TTC38: variants seen among roughly 807,000 people sequenced by gnomAD.
The protein encoded by TTC38 is tetratricopeptide repeat protein 38.
Under a neutral mutation model 64.2 loss-of-function variants are expected in TTC38, and 64 were observed. That is an observed-to-expected ratio of 1.00 (90% CI 0.81 to 1.23). The LOEUF is 1.23. Among genes scored for constraint, TTC38 ranks in the 50% most tolerant of loss-of-function variants. TTC38 has a pLI of 0.00. For synonymous variants in TTC38, 254 were observed against 249.3 expected (o/e 1.02, Z -0.18); for missense variants, 573 against 615.5 (o/e 0.93, Z 0.73).
At chr22:46,280,307 G>A (rs113355543) in intron 6 of TTC38, 16,261 of 414,308 alleles carry the variant, frequency 0.039, 486 homozygotes, top group Non-Finnish European at 0.052. Context: ...GGGAGGAGGC[G>A]GCAAGCCAGG....
At position 46,287,069 on chromosome 22, in the gene TTC38, C is replaced by G. The variant is rs748060986; in HGVS notation, c.835-4C>G. ...GAGCCCGCCTTGGCCGCCCTGTCTT[C>G]CAGATCCTTCCCAGCCTGCAGGCCA... On this transcript the variant is annotated splice_polypyrimidine_tract_variant and splice_region_variant and intron_variant, in intron 9 of 13. Coordinates refer to ENST00000381031, the MANE Select transcript of TTC38 (RefSeq NM_017931.4). 3 of 1,596,612 alleles carry G rather than the reference C, an allele frequency of 1.9e-6. No individual in the cohort carries two copies. The highest frequency in any genetic ancestry group is 1.7e-5 in the Admixed American group (1 of 59,562).
chr22:46,293,068 T>G lies in TTC38; in HGVS notation c.*184T>G. The G allele has an allele frequency of 1.7e-6, 1 of 576,592 alleles. No homozygotes were observed. Among genetic ancestry groups the G allele is most frequent in the Non-Finnish European group, 3.2e-6 (1 of 317,062 alleles). 35.7% of individuals were successfully genotyped at this position (576,592 alleles called of 1,614,324 possible). A position where few individuals can be genotyped will look rare whatever the true frequency, so the allele number is the denominator to read the frequency against. On this transcript the variant is annotated 3_prime_UTR_variant, in exon 14 of 14. Coordinates refer to ENST00000381031, the MANE Select transcript of TTC38 (RefSeq NM_017931.4). The surrounding 1 kb of genome is among the most constrained non-coding windows in gnomAD (Gnocchi z 6.6). ...TTTTAAATGTGATTCCGAATCTCCTTTCAGTCCTCGAGAAGGGCCAATGAG... is the reference window on the plus strand; with the variant it reads ...TTTTAAATGTGATTCCGAATCTCCTGTCAGTCCTCGAGAAGGGCCAATGAG...
At position 46,275,507 on chromosome 22, in the gene TTC38, C is replaced by T. The variant is rs1046686730; in HGVS notation, c.539+86C>T. On this transcript the variant is annotated intron_variant, in intron 5 of 13. Coordinates refer to ENST00000381031, the MANE Select transcript of TTC38 (RefSeq NM_017931.4). The surrounding 1 kb of genome is among the most constrained non-coding windows in gnomAD (Gnocchi z 4.5). The stretch of plus-strand genomic sequence containing the variant: ...AATATGGTGACTCTCTTGGCCCTGT[C>T]CTAAAAATAATGGGACCACTGTTGC... The T allele has an allele frequency of 2.2e-6, 3 of 1,361,426 alleles. No homozygotes were observed. The African/African-American group carries it at 4.4e-5, about 20-fold the overall frequency. The allele number at this position is 1,361,426 out of a possible 1,614,324, so 84.3% of individuals were successfully genotyped here. A position where few individuals can be genotyped will look rare whatever the true frequency, so the allele number is the denominator to read the frequency against.
intron 5 of TTC38, among the ~76,000 whole-genome samples, chr22:46,278,069 G>C (rs1328263337): frequency 6.6e-6 from 1 of 152,262 alleles, no homozygotes; most frequent in Non-Finnish European, 1.5e-5. Flanking sequence ...GCATGGAATT[G>C]CTGACAAGCA....
chr22:46,292,814 C>A lies in TTC38; in HGVS notation c.1340C>A (p.Ala447Asp). The change falls in exon 14 of 14, where the codon GCC becomes GAC. Residue 447 changes from alanine (A) to aspartate (D), a missense_variant. Ala to Asp is a moderately radical substitution (Grantham distance 126). Transcript: ENST00000381031. This position sits in a 1 kb window ranked among gnomAD's most constrained non-coding sequence, Gnocchi z 6.5. Reference protein sequence around the residue: ...VARSLLMERDALKPNSPLTER... With the variant: ...VARSLLMERDDLKPNSPLTER... Reference sequence around the variant, plus strand: ...AGGAGCCTTCTGATGGAGCGTGATGCCTTGAAGCCCAACTCGCCCCTGACC... The same window carrying A: ...AGGAGCCTTCTGATGGAGCGTGATGACTTGAAGCCCAACTCGCCCCTGACC... The A allele has an allele frequency of 6.2e-7, 1 of 1,614,020 alleles. No individual in the cohort carries two copies. Among genetic ancestry groups the A allele is most frequent in the Non-Finnish European group, 8.5e-7 (1 of 1,179,910 alleles).
In TTC38 at chr22:46,293,936, C is replaced by G. The variant is rs1482646930; in HGVS notation, c.*1052C>G. The stretch of plus-strand genomic sequence containing the variant: ...CAGAAGGGAGAGGAGGCCTCCAAAT[C>G]TATTGAGTCCCCACAGTTTGCTCAA... On this transcript the variant is annotated 3_prime_UTR_variant, in exon 14 of 14. Transcript: ENST00000381031. The surrounding 1 kb of genome is among the most constrained non-coding windows in gnomAD (Gnocchi z 6.6). 1 of 152,254 alleles carries G rather than the reference C, an allele frequency of 6.6e-6. No homozygotes were observed. The highest frequency in any genetic ancestry group is 1.5e-5 in the Non-Finnish European group (1 of 68,052). The allele number at this position is 152,254 out of a possible 1,614,324, so 9.4% of individuals were successfully genotyped here. A position where few individuals can be genotyped will look rare whatever the true frequency, so the allele number is the denominator to read the frequency against.
At chr22:46,280,045 C>A in intron 6 of TTC38, 1 of 452,748 alleles carries the variant, frequency 2.2e-6, no homozygotes, top group Non-Finnish European at 4.6e-6. Flanking sequence ...GCTCCCCTTT[C>A]GCCTCCTGTC....
At position 46,273,219 on chromosome 22, in the gene TTC38, C is replaced by T. The variant is rs1166350868; in HGVS notation, c.194-679C>T. Among the ~76,000 whole-genome samples the T allele has an allele frequency of 1.3e-5, 2 of 152,204 alleles. No homozygotes were observed. ...AGCCCTGATCAGGGGGCTTCGACCA[C>T]CTGAATCATCAGCTGGGCTGGGCTG... is the stretch of plus-strand genomic sequence containing the variant. On this transcript the variant is annotated intron_variant, in intron 3 of 13. Transcript: ENST00000381031. The surrounding 1 kb of genome is among the most constrained non-coding windows in gnomAD (Gnocchi z 5.1).
intron 8 of TTC38, 60 bp from the exon 9 acceptor site, chr22:46,285,181 C>G: frequency 6.7e-7 from 1 of 1,501,940 alleles, no homozygotes; most frequent in Middle Eastern, 1.7e-4. Flanking sequence ...TCTCAGTTCA[C>G]GTGCCAGCAT....
rs1205258957 is a variant in TTC38 at position 46,275,404 on chromosome 22, T to C, written c.522T>C (p.Pro174=). ...CTCGAATTTACCCCTTCTGGACACCTGACATCCCCCTAAGCAGGTATGTGC... is the reference window on the plus strand; with the variant it reads ...CTCGAATTTACCCCTTCTGGACACCCGACATCCCCCTAAGCAGGTATGTGC... ...SVARIYPFWT[P]DIPLSSYVKG... is the part of the protein sequence containing the mutation. The change falls in exon 5 of 14, where the codon CCT becomes CCC. Residue 174 remains proline, a synonymous_variant. Transcript: ENST00000381031. This position sits in a 1 kb window ranked among gnomAD's most constrained non-coding sequence, Gnocchi z 4.5. 4 of 1,613,936 alleles carry C rather than the reference T, an allele frequency of 2.5e-6. No individual in the cohort carries two copies. The highest frequency in any genetic ancestry group is 4.5e-5 in the East Asian group (2 of 44,900).
intron 1 of TTC38, 101 bp downstream of exon 1, chr22:46,268,173 C>A: frequency 7.4e-7 from 1 of 1,356,380 alleles, no homozygotes; most frequent in Non-Finnish European, 9.9e-7. Flanking sequence ...GGGCGCGGGG[C>A]GTGGGGTGAG....
chr22:46,283,441 G>A (rs2077548909), intron 7 of TTC38, among the ~76,000 whole-genome samples: 1 of 152,170 alleles, frequency 6.6e-6, no homozygotes, highest in Non-Finnish European at 1.5e-5. Context: ...ACCTCCCCTA[G>A]CCTCAGTTTC....
At position 46,292,573 on chromosome 22, in the gene TTC38, C is replaced by T. The variant is rs1216455103; in HGVS notation, c.1317-218C>T. Among the ~76,000 whole-genome samples, 2 of 152,220 alleles carry T rather than the reference C, an allele frequency of 1.3e-5. No individual in the cohort carries two copies. Among genetic ancestry groups the T allele is most frequent in the Non-Finnish European group, 2.9e-5 (2 of 68,042 alleles). On this transcript the variant is annotated intron_variant, in intron 13 of 13. Transcript: ENST00000381031. This position sits in a 1 kb window ranked among gnomAD's most constrained non-coding sequence, Gnocchi z 6.5. ...TTCCCCACTGCCACCTGTTGTGCCC[C>T]ATCTCGGGTGTGGCTTCCTGCACTG...
In TTC38 at chr22:46,269,745, ACCTGGCTCACTTGCCCTT is replaced by A. The variant is rs1936852522; in HGVS notation, c.111+1159_111+1176del. Among the ~76,000 whole-genome samples, 12 of 152,160 alleles carry A rather than the reference ACCTGGCTCACTTGCCCTT, an allele frequency of 7.9e-5. 1 individual carries two copies. In the South Asian group the frequency reaches 2.5e-3, roughly 32 times the overall value. Reference sequence around the variant, plus strand: ...GAGTTGTTTGTTTATTTTGTGTTTGACCTGGCTCACTTGCCCTTCCTGTATCTCGCCGGCCTCTGTAGA... The same window carrying A: ...GAGTTGTTTGTTTATTTTGTGTTTGACCTGTATCTCGCCGGCCTCTGTAGA... On this transcript the variant is annotated intron_variant, in intron 2 of 13. Transcript: ENST00000381031.
In TTC38 at chr22:46,292,927, G is replaced by A. The variant is rs374930102; in HGVS notation, c.*43G>A. The A allele has an allele frequency of 8.5e-5, 126 of 1,479,698 alleles. No homozygotes were observed. Among genetic ancestry groups the A allele is most frequent in the Middle Eastern group, 1.8e-4 (1 of 5,652 alleles). 91.7% of individuals were successfully genotyped at this position (1,479,698 alleles called of 1,614,324 possible). A position where few individuals can be genotyped will look rare whatever the true frequency, so the allele number is the denominator to read the frequency against. ...CACCCTGCAGAACCTCAGTGGTGGC[G>A]TCACTGCGTCCAGTCAGCTGCTCCA... is the stretch of plus-strand genomic sequence containing the variant. On this transcript the variant is annotated 3_prime_UTR_variant, in exon 14 of 14. Coordinates refer to ENST00000381031, the MANE Select transcript of TTC38 (RefSeq NM_017931.4). The surrounding 1 kb of genome is among the most constrained non-coding windows in gnomAD (Gnocchi z 6.5).
Position 46,278,600 on chromosome 22 carries a change from T to C in TTC38, c.554T>C (p.Ile185Thr), listed in dbSNP as rs1041536088. The part of the protein sequence containing the change: ...DIPLSSYVKG[I>T]YSFGLMETNF... ...TCTGTTTTTAGCTATGTGAAAGGCA[T>C]CTACTCTTTTGGCTTGATGGAAACC... Residue 185 changes from isoleucine to threonine, a missense_variant, in exon 6 of 14, where the codon ATC becomes ACC. Coordinates refer to ENST00000381031, the MANE Select transcript of TTC38 (RefSeq NM_017931.4). The C allele has an allele frequency of 2.5e-6, 4 of 1,614,100 alleles. No homozygotes were observed. In the Admixed American group the frequency reaches 5.0e-5, roughly 20 times the overall value.
chr22:46,293,587 T>C lies in TTC38; in HGVS notation c.*703T>C, dbSNP rs2077632234. 1 of 152,182 alleles carries C rather than the reference T, an allele frequency of 6.6e-6. No individual in the cohort carries two copies. Among genetic ancestry groups the C allele is most frequent in the Admixed American group, 6.5e-5 (1 of 15,282 alleles). The allele number at this position is 152,182 out of a possible 1,614,324, so 9.4% of individuals were successfully genotyped here. On this transcript the variant is annotated 3_prime_UTR_variant, in exon 14 of 14. Transcript: ENST00000381031. This position sits in a 1 kb window ranked among gnomAD's most constrained non-coding sequence, Gnocchi z 6.6. Reference sequence around the variant, plus strand: ...TTTGGACCCGTTTCTCTTTTTAAACTGCACATCATAACAGGGCTTCATGTC... The same window carrying C: ...TTTGGACCCGTTTCTCTTTTTAAACCGCACATCATAACAGGGCTTCATGTC...
chr22:46,286,277 T>C (rs2147799140), intron 9 of TTC38, among the ~76,000 whole-genome samples: 1 of 152,262 alleles, frequency 6.6e-6, no homozygotes, highest in East Asian at 1.9e-4. Context: ...CAGAAATGCT[T>C]GTGATCTGGG....
rs1569024981 is a variant in TTC38, at chr22:46,287,102, A to C, written c.864A>C (p.Ala288=). The change falls in exon 10 of 14, where the codon GCA becomes GCC. Residue 288 remains alanine, a synonymous_variant. Coordinates refer to ENST00000381031, the MANE Select transcript of TTC38 (RefSeq NM_017931.4). ...TTCCCAGCCTGCAGGCCAACGATGC[A>C]ATGCTGGACGTGGTGGACAGCTGCT... The part of the protein sequence containing the change: ...HILPSLQAND[A]MLDVVDSCSM... 1 of 1,605,266 alleles carries C rather than the reference A, an allele frequency of 6.2e-7. No homozygotes were observed. The highest frequency in any genetic ancestry group is 2.2e-5 in the East Asian group (1 of 44,774).
Sources: gnomAD v4.1 joint callset for allele counts (sites outside exome capture counted in the v4.1 genomes callset) on GRCh38, gnomAD v4.1.1 for gene constraint, Gnocchi (gnomAD v3.1) non-coding constraint, MANE v1.5 for transcripts, NCBI Gene and HGNC (gene_info 2026-07-23, HGNC 2026-07-21) for gene names.